SH3GL1: variants seen among roughly 807,000 people sequenced by gnomAD.
The protein encoded by SH3GL1 is SH3 domain containing GRB2 like 1, endophilin A2, also known as endophilin-A2.
A neutral mutation model predicts 48.8 loss-of-function variants in SH3GL1; 21 were observed. The observed-to-expected ratio is 0.43, with a 90% CI of 0.30 to 0.62. The LOEUF (loss-of-function observed/expected upper bound fraction) is 0.62, where lower values mean the gene tolerates loss of function less well. SH3GL1 is among the 20% of genes least tolerant of loss of function. The pLI is 0.11. For synonymous variants in SH3GL1, 282 were observed against 217.5 expected, an observed-to-expected ratio of 1.30 and a Z score of -2.61; for missense variants, 454 against 503.0, an observed-to-expected ratio of 0.90 and a Z score of 0.93.
In SH3GL1 at chr19:4,368,596, C is replaced by T. The variant is rs552484938; in HGVS notation, c.46-1602G>A. Among the ~76,000 whole-genome samples, 11 of 152,340 alleles carry T rather than the reference C, an allele frequency of 7.2e-5. No individual in the cohort carries two copies. The East Asian group carries it at 2.1e-3, about 29-fold the overall frequency. ...TCCTCCAAGGCTTGGCTCTGGAAGC[C>T]CCCACACCACGGGACTGTCCTCACC... is the stretch of plus-strand genomic sequence containing the variant. On this transcript the variant is annotated intron_variant, in intron 1 of 9. Transcript: ENST00000269886.
In SH3GL1 at chr19:4,360,849, G is replaced by A. The variant is rs922851996; in HGVS notation, c.*751C>T. On this transcript the variant is annotated 3_prime_UTR_variant, in exon 10 of 10. Transcript: ENST00000269886. The stretch of plus-strand genomic sequence containing the variant: ...GGCAGCTTGTGCCAGAGTGACACAG[G>A]CCTCCCTGGGTTGGGATGGGGGCAG... The A allele has an allele frequency of 3.0e-4, 70 of 234,034 alleles. No individual in the cohort carries two copies. The highest frequency in any genetic ancestry group is 1.4e-3 in the African/African-American group (65 of 45,476). 14.5% of individuals were successfully genotyped at this position (234,034 alleles called of 1,614,324 possible). A position where few individuals can be genotyped will look rare whatever the true frequency, so the allele number is the denominator to read the frequency against.
chr19:4,390,307 C>G (rs138856766), intron 1 of SH3GL1: 1 of 152,240 alleles, frequency 6.6e-6, no homozygotes, highest in Non-Finnish European at 1.5e-5. Flanking sequence ...TGAGCAGAAA[C>G]GCACCAAGCT....
chr19:4,371,561 T>G (rs1972901674), intron 1 of SH3GL1, among the ~76,000 whole-genome samples: 1 of 152,258 alleles, frequency 6.6e-6, no homozygotes, highest in African/African-American at 2.4e-5. Flanking sequence ...TTGTTTTTTT[T>G]TCTCTTTTAA....
At chr19:4,374,607 G>A (rs1277398757) in intron 1 of SH3GL1, among the ~76,000 whole-genome samples, 1 of 152,246 alleles carries the variant, frequency 6.6e-6, no homozygotes, top group Non-Finnish European at 1.5e-5. Flanking sequence ...TTTCTCCCGG[G>A]ACAGCCTCCT....
At chr19:4,377,608 C>T (rs571192540) in intron 1 of SH3GL1, among the ~76,000 whole-genome samples, 2 of 152,308 alleles carry the variant, frequency 1.3e-5, no homozygotes, top group African/African-American at 2.4e-5. Context: ...CAGCCAGCCG[C>T]GCCTGTGCAC....
At chr19:4,385,446 G>GCGACC (rs1304325901) in intron 1 of SH3GL1, among the ~76,000 whole-genome samples, 2 of 152,186 alleles carry the variant, frequency 1.3e-5, no homozygotes, top group Non-Finnish European at 2.9e-5. Flanking sequence ...TGGAAGGAGG[G>GCGACC]CGACCCCCTA....
chr19:4,385,343 C>G (rs927811620), intron 1 of SH3GL1, among the ~76,000 whole-genome samples: 2 of 152,200 alleles, frequency 1.3e-5, no homozygotes, highest in African/African-American at 4.8e-5. Context: ...CATGAGGTGC[C>G]TGAACAAGGG....
intron 1 of SH3GL1, among the ~76,000 whole-genome samples, chr19:4,384,011 CA>C (rs1331321240): frequency 2.6e-5 from 4 of 152,186 alleles, no homozygotes; most frequent in African/African-American, 9.7e-5. Flanking sequence ...TTTGGGGCTA[CA>C]AATCAATCTT....
intron 1 of SH3GL1, among the ~76,000 whole-genome samples, chr19:4,399,000 G>A (rs889553949): frequency 6.6e-6 from 1 of 152,154 alleles, no homozygotes; most frequent in African/African-American, 2.4e-5. Context: ...TATATGTCAT[G>A]GAATGAAATA....
intron 1 of SH3GL1, among the ~76,000 whole-genome samples, chr19:4,374,380 C>T (rs981009092): frequency 2.0e-5 from 3 of 152,198 alleles, no homozygotes; most frequent in Non-Finnish European, 2.9e-5. Flanking sequence ...GGTCTGGTGG[C>T]CGGAGGCTCC....
At chr19:4,365,709 C>T in intron 3 of SH3GL1, 84 bp from the exon 4 acceptor site, 1 of 1,579,742 alleles carries the variant, frequency 6.3e-7, no homozygotes, top group Non-Finnish European at 8.6e-7. Flanking sequence ...CATCTCCTCC[C>T]CACCCTTGCT....
intron 1 of SH3GL1, among the ~76,000 whole-genome samples, chr19:4,381,069 C>T (rs376856691): frequency 9.9e-4 from 130 of 131,106 alleles, no homozygotes; most frequent in African/African-American, 4.1e-3. Context: ...CTCTCTGTCC[C>T]CCTGCCTCTC....
At chr19:4,373,106 G>C (rs34598075) in intron 1 of SH3GL1, among the ~76,000 whole-genome samples, 1 of 129,892 alleles carries the variant, frequency 7.7e-6, no homozygotes, top group African/African-American at 3.1e-5. Flanking sequence ...GAGGCCAGGA[G>C]GGGGAGGGAG....
chr19:4,377,275 G>A (rs951222726), intron 1 of SH3GL1, among the ~76,000 whole-genome samples: 3 of 152,256 alleles, frequency 2.0e-5, no homozygotes, highest in African/African-American at 7.2e-5. Context: ...GGAGAGGCAA[G>A]CACTGGAGGC....
At chr19:4,362,155 C>G (rs1972635345) in intron 9 of SH3GL1, among the ~76,000 whole-genome samples, 174 bp downstream of exon 9, 1 of 152,212 alleles carries the variant, frequency 6.6e-6, no homozygotes, top group South Asian at 2.1e-4. Flanking sequence ...CACTGTGAGG[C>G]TGAGACCCAG....
In SH3GL1 at chr19:4,361,594, G is replaced by A. The variant is rs1409522181; in HGVS notation, c.*6C>T. ...GACGGAGGGGCGGGGCGGGGACACG[G>A]GTGAGTCACTGCGGCAGGGGCACAA... On this transcript the variant is annotated 3_prime_UTR_variant, in exon 10 of 10. Transcript: ENST00000269886. The A allele has an allele frequency of 1.3e-6, 2 of 1,589,400 alleles. No individual in the cohort carries two copies. The highest frequency in any genetic ancestry group is 1.7e-6 in the Non-Finnish European group (2 of 1,170,616).
intron 1 of SH3GL1, among the ~76,000 whole-genome samples, chr19:4,388,416 G>A (rs1453271241): frequency 6.6e-6 from 1 of 152,152 alleles, no homozygotes; most frequent in Non-Finnish European, 1.5e-5. Flanking sequence ...GACAGGTACA[G>A]AGAGGGGCAG....
intron 1 of SH3GL1, among the ~76,000 whole-genome samples, chr19:4,370,301 C>A (rs1972871888): frequency 6.6e-6 from 1 of 152,210 alleles, no homozygotes; most frequent in African/African-American, 2.4e-5. Flanking sequence ...CTGGCTGTAG[C>A]CCTGACTAGT....
At chr19:4,381,627 G>C in intron 1 of SH3GL1, among the ~76,000 whole-genome samples, 3 of 58,590 alleles carry the variant, frequency 5.1e-5, no homozygotes, top group Admixed American at 5.2e-4. Context: ...TGTCTCCCCT[G>C]TCCCTCTCCA....
Sources: gnomAD v4.1 joint callset for allele counts (sites outside exome capture counted in the v4.1 genomes callset) on GRCh38, gnomAD v4.1.1 for gene constraint, MANE v1.5 for transcripts, NCBI Gene and HGNC (gene_info 2026-07-23, HGNC 2026-07-21) for gene names.